ZRANB3: variants seen among roughly 807,000 people sequenced by gnomAD.
The protein encoded by ZRANB3 is DNA annealing helicase and endonuclease ZRANB3.
A neutral mutation model predicts 133.8 loss-of-function variants in ZRANB3; 125 were observed. The observed-to-expected ratio is 0.93, with a 90% CI of 0.81 to 1.08. The LOEUF (loss-of-function observed/expected upper bound fraction) is 1.08. Among genes scored for constraint, ZRANB3 ranks in the 50% least tolerant of loss-of-function variants. The probability of loss-of-function intolerance (pLI) is 0.00; values close to 1 mark genes in which losing one functional copy is unlikely to be tolerated. For missense variants in ZRANB3, 1,229 were observed against 1,275.5 expected (o/e 0.96, Z 0.56); for synonymous variants, 387 against 432.7 (o/e 0.89, Z 1.31).
rs1693934777 is a variant in ZRANB3, at chr2:135,207,721, C to T, written c.2722G>A (p.Gly908Arg). Residue 908 changes from glycine (G) to arginine (R), a missense_variant, in exon 19 of 21, where the codon GGA (glycine) becomes AGA (arginine). Coordinates refer to ENST00000264159, the MANE Select transcript of ZRANB3 (RefSeq NM_032143.4). Reference protein sequence around the residue: ...KGYLQAVDNEGNPLCLRCQQP... With the variant: ...KGYLQAVDNERNPLCLRCQQP... ...TGACAGCGAAGGCAAAGTGGATTTC[C>T]TTCATTATCCACAGCTTGCAAATAG... 1 of 1,613,994 alleles carries T rather than the reference C, an allele frequency of 6.2e-7. No homozygotes were observed. The highest frequency in any genetic ancestry group is 2.2e-5 in the East Asian group (1 of 44,884).
At chr2:135,210,419 C>T (rs746071497) in intron 17 of ZRANB3, among the ~76,000 whole-genome samples, 1 of 152,120 alleles carries the variant, frequency 6.6e-6, no homozygotes, top group Non-Finnish European at 1.5e-5. Flanking sequence ...ATTGCAACCT[C>T]CGCCTTCTGG....
chr2:135,455,284 G>A (rs956868848), intron 2 of ZRANB3, among the ~76,000 whole-genome samples: 5 of 138,656 alleles, frequency 3.6e-5, no homozygotes, highest in African/African-American at 1.4e-4. Context: ...CACCTCCCAG[G>A]TTCAAGCGAT....
At chr2:135,489,248 G>A (rs1487853987) in intron 2 of ZRANB3, among the ~76,000 whole-genome samples, 1 of 143,460 alleles carries the variant, frequency 7.0e-6, no homozygotes, top group African/African-American at 2.6e-5. Flanking sequence ...CTCATAGGTG[G>A]GAACTGAACA....
intron 2 of ZRANB3, among the ~76,000 whole-genome samples, chr2:135,475,456 A>G (rs1211124744): frequency 6.6e-6 from 1 of 152,232 alleles, no homozygotes; most frequent in Non-Finnish European, 1.5e-5. Context: ...TATCTTTTGA[A>G]CTGGGCATCA....
At chr2:135,453,531 T>A (rs1447420655) in intron 2 of ZRANB3, among the ~76,000 whole-genome samples, 1 of 152,228 alleles carries the variant, frequency 6.6e-6, no homozygotes, top group African/African-American at 2.4e-5. Flanking sequence ...CCTTTTCTGC[T>A]TAGAAATTTC....
chr2:135,217,679 A>T, intron 16 of ZRANB3, 72 bp from the exon 17 acceptor site: 3 of 1,529,046 alleles, frequency 2.0e-6, no homozygotes, highest in Non-Finnish European at 2.6e-6. Context: ...GAGCCTATTT[A>T]CAACATCAGA....
chr2:135,313,549 A>T lies in ZRANB3; in HGVS notation c.906T>A (p.Gly302=). ...TCAACCCCATGACTGTCTCCATGGC[A>T]CCTGAATTTGGAGTTCTCATTATTT... The part of the protein sequence containing the change: ...WEKIMRTPNS[G]AMETVMGLIT... The change falls in exon 8 of 21, where the codon GGT becomes GGA. Residue 302 remains glycine (G), a synonymous_variant. Coordinates refer to ENST00000264159, the MANE Select transcript of ZRANB3 (RefSeq NM_032143.4). 11 of 1,613,800 alleles carry T rather than the reference A, an allele frequency of 6.8e-6. No homozygotes were observed. Among genetic ancestry groups the T allele is most frequent in the Non-Finnish European group, 9.3e-6 (11 of 1,179,810 alleles).
intron 8 of ZRANB3, among the ~76,000 whole-genome samples, chr2:135,279,653 T>G (rs1681004130): frequency 6.6e-6 from 1 of 152,180 alleles, no homozygotes; most frequent in African/African-American, 2.4e-5. Context: ...CAATTTTTCT[T>G]AGAGTCTCCT....
chr2:135,517,030 A>C (rs917980988), intron 1 of ZRANB3, among the ~76,000 whole-genome samples: 1 of 151,420 alleles, frequency 6.6e-6, no homozygotes, highest in African/African-American at 2.4e-5. Context: ...TTGATCTTCA[A>C]TCTCTGATAT....
intron 2 of ZRANB3, among the ~76,000 whole-genome samples, chr2:135,484,145 G>T (rs1691982239): frequency 6.6e-6 from 1 of 152,196 alleles, no homozygotes; most frequent in Non-Finnish European, 1.5e-5. Context: ...GTGCAGAGCT[G>T]TGTTCAATTC....
chr2:135,511,097 G>A, intron 1 of ZRANB3: 1 of 768,554 alleles, frequency 1.3e-6, no homozygotes. Flanking sequence ...ACTCTGTACA[G>A]GGCTGTGAAG....
chr2:135,451,398 C>A (rs1690260901), intron 2 of ZRANB3, among the ~76,000 whole-genome samples: 1 of 151,830 alleles, frequency 6.6e-6, no homozygotes, highest in Non-Finnish European at 1.5e-5. Flanking sequence ...CCCGTCTCTA[C>A]TAAAAATACA....
intron 2 of ZRANB3, among the ~76,000 whole-genome samples, chr2:135,484,177 C>A (rs1182404777): frequency 6.6e-6 from 1 of 152,110 alleles, no homozygotes; most frequent in Admixed American, 6.6e-5. Context: ...TGTTGACTTT[C>A]TACAAAGTCT....
At chr2:135,412,310 C>T (rs993063843) in intron 2 of ZRANB3, among the ~76,000 whole-genome samples, 1 of 152,136 alleles carries the variant, frequency 6.6e-6, no homozygotes, top group Non-Finnish European at 1.5e-5. Flanking sequence ...CTGAGAGGCA[C>T]TCAGTTTGTA....
chr2:135,381,075 A>G (rs955915663), intron 3 of ZRANB3, among the ~76,000 whole-genome samples: 1 of 152,174 alleles, frequency 6.6e-6, no homozygotes, highest in African/African-American at 2.4e-5. Flanking sequence ...TGGAAGCGTA[A>G]GGGATCAGGG....
At chr2:135,435,352 C>T (rs943119953) in intron 2 of ZRANB3, among the ~76,000 whole-genome samples, 4 of 152,112 alleles carry the variant, frequency 2.6e-5, no homozygotes, top group Non-Finnish European at 5.9e-5. Flanking sequence ...CATAGTATTC[C>T]ATGGTGTATA....
intron 3 of ZRANB3, among the ~76,000 whole-genome samples, chr2:135,375,406 C>A (rs1425866135): frequency 6.6e-6 from 1 of 151,874 alleles, no homozygotes; most frequent in African/African-American, 2.4e-5. Flanking sequence ...CACAAAGTGG[C>A]CGGGCACGGT....
intron 8 of ZRANB3, among the ~76,000 whole-genome samples, chr2:135,295,235 G>A (rs1014483731): frequency 5.9e-5 from 9 of 152,098 alleles, no homozygotes; most frequent in Admixed American, 2.0e-4. Flanking sequence ...GGTCACTAAG[G>A]ACTTGCTTTA....
intron 8 of ZRANB3, among the ~76,000 whole-genome samples, chr2:135,309,072 C>T (rs1175561574): frequency 6.6e-6 from 1 of 151,534 alleles, no homozygotes; most frequent in African/African-American, 2.4e-5. Context: ...GCGCTGCCTC[C>T]TGGGTTCACG....
Sources: allele counts gnomAD v4.1 joint callset (sites outside exome capture counted in the v4.1 genomes callset), GRCh38; gene constraint gnomAD v4.1.1; transcripts MANE v1.5; gene names NCBI Gene and HGNC (gene_info 2026-07-23, HGNC 2026-07-21).